The following VWCE variants were observed in gnomAD, a reference collection of about 807,000 sequenced individuals.
The protein encoded by VWCE is von Willebrand factor C and EGF domains.
Under a neutral mutation model 102.9 loss-of-function variants are expected in VWCE, and 68 were observed. The ratio of observed to expected loss-of-function variants is 0.66; its 90% CI spans 0.54 to 0.81. The LOEUF is 0.81. Ranked by LOEUF, VWCE falls within the 30% of genes least tolerant of loss-of-function variation. The pLI, the probability that VWCE is intolerant of heterozygous loss-of-function variation, is 0.00. For synonymous variants in VWCE, 497 were observed against 515.4 expected (o/e 0.96, Z 0.48); for missense variants, 1,137 against 1,263.6 (o/e 0.90, Z 1.52).
chr11:61,281,033 A>T lies in VWCE; in HGVS notation c.990T>A (p.Pro330=). The change falls in exon 8 of 20, where the codon CCT becomes CCA. Residue 330 remains proline, a synonymous_variant. Coordinates refer to ENST00000335613, the MANE Select transcript of VWCE (RefSeq NM_152718.2). ...SPTPRLPTSS[P]SAPVWLLSTL... ...TGGACAGCAGCCACACAGGGGCAGA[A>T]GGGGAGGATGTGGGTAGTCGTGGGG... is the stretch of plus-strand genomic sequence containing the variant. 3.8e-6 allele frequency: 6 copies of T among 1,579,724 alleles called. No homozygotes were observed. Among genetic ancestry groups the T allele is most frequent in the Non-Finnish European group, 5.2e-6 (6 of 1,162,602 alleles).
At chr11:61,265,715 C>T (rs1285450438) in intron 16 of VWCE, among the ~76,000 whole-genome samples, 1 of 152,224 alleles carries the variant, frequency 6.6e-6, no homozygotes, top group Non-Finnish European at 1.5e-5. Flanking sequence ...AGCAAAGCAG[C>T]GTCATCCCGC....
chr11:61,281,850 C>T lies in VWCE; in HGVS notation c.723G>A (p.Val241=), dbSNP rs1024933247. ...RVCHHSCHNT[V]GSFLCTCRPG... is the part of the protein sequence containing the mutation. ...GTCGGCATGTGCATAGGAAGCTGCC[C>T]ACGGTGTTGTGGCAGGAATGGTGAC... is the stretch of plus-strand genomic sequence containing the variant. Residue 241 remains valine, a synonymous_variant, in exon 7 of 20, where the codon GTG becomes GTA. Coordinates refer to ENST00000335613, the MANE Select transcript of VWCE (RefSeq NM_152718.2). The T allele has an allele frequency of 4.3e-6, 7 of 1,613,836 alleles. No homozygotes were observed. In the African/African-American group the frequency reaches 8.0e-5, roughly 18 times the overall value.
rs569907575 is a variant in VWCE, at chr11:61,258,972, T to A, written c.2571A>T (p.Leu857=). Reference sequence around the variant, plus strand: ...GAGGAGCCCCTGGGGAAGCTAGAGGTAGAGTGGGGGCTCCTGGAGGGGTCG... The same window carrying A: ...GAGGAGCCCCTGGGGAAGCTAGAGGAAGAGTGGGGGCTCCTGGAGGGGTCG... ...GPSTPPGAPT[L]PLASPGAPQP... Residue 857 remains leucine (L), a synonymous_variant, in exon 20 of 20, where the codon CTA becomes CTT. Transcript: ENST00000335613. The A allele has an allele frequency of 6.3e-7, 1 of 1,592,770 alleles. No individual in the cohort carries two copies. The highest frequency in any genetic ancestry group is 1.4e-5 in the African/African-American group (1 of 73,764).
Position 61,266,877 on chromosome 11 carries a change from C to T in VWCE, c.1965+585G>A, listed in dbSNP as rs143440805. On this transcript the variant is annotated intron_variant, in intron 16 of 19. Transcript: ENST00000335613. ...TCCAGTACTGGATTCTGGGTTTGTG[C>T]GTTTCACCTCCACCCTCATCAAGAA... 6.7e-3 allele frequency among the ~76,000 whole-genome samples: 1,015 copies of T among 152,310 alleles called. 4 individuals are homozygous for T. Among genetic ancestry groups the T allele is most frequent in the Non-Finnish European group, 9.5e-3 (643 of 68,024 alleles).
At chr11:61,270,825 CTTTTTTTTT>C (rs1243630767) in intron 14 of VWCE, among the ~76,000 whole-genome samples, 1 of 134,252 alleles carries the variant, frequency 7.4e-6, no homozygotes, top group Non-Finnish European at 1.6e-5. Context: ...GTTACACACA[CTTTTTTTTT>C]TTTTTTTTTT....
At chr11:61,282,294 G>A (rs1855168955) in intron 6 of VWCE, among the ~76,000 whole-genome samples, 1 of 152,146 alleles carries the variant, frequency 6.6e-6, no homozygotes, top group Non-Finnish European at 1.5e-5. Flanking sequence ...GGAAGGCTTC[G>A]GGACAAATAC....
intron 10 of VWCE, 71 bp downstream of exon 10, chr11:61,278,320 CTTT>C (rs1854994352): frequency 2.0e-6 from 3 of 1,521,040 alleles, no homozygotes; most frequent in Admixed American, 3.5e-5. Context: ...AACATCCGGT[CTTT>C]TCCCCTTCCT....
intron 14 of VWCE, 46 bp downstream of exon 14, chr11:61,271,629 G>A (rs368560601): frequency 4.8e-5 from 74 of 1,556,842 alleles, no homozygotes; most frequent in Middle Eastern, 2.0e-4. Flanking sequence ...TGGGTGAGGC[G>A]GGGCAGCCAG....
intron 1 of VWCE, among the ~76,000 whole-genome samples, chr11:61,292,175 T>C (rs547382434): frequency 1.1e-4 from 17 of 151,958 alleles, no homozygotes; most frequent in Admixed American, 2.0e-4. Context: ...GCGAGCCAAG[T>C]TGGCGCCACT....
intron 6 of VWCE, 110 bp downstream of exon 6, chr11:61,282,679 C>G: frequency 1.1e-6 from 1 of 871,290 alleles, no homozygotes; most frequent in African/African-American, 1.7e-5. Context: ...CCTTCAAGCT[C>G]CAGAGGACCA....
chr11:61,274,227 G>A (rs1453123113), intron 12 of VWCE, among the ~76,000 whole-genome samples: 1 of 152,146 alleles, frequency 6.6e-6, no homozygotes, highest in Non-Finnish European at 1.5e-5. Flanking sequence ...CACCTAGGCA[G>A]TGGGCTTCCG....
Position 61,280,907 on chromosome 11 carries a change from C to T in VWCE, c.1116G>A (p.Arg372=). Residue 372 remains arginine, a synonymous_variant, in exon 8 of 20, where the codon AGG becomes AGA. Transcript: ENST00000335613. ...GEVMGTPSSP[R]GPESPRLAAG... is the part of the protein sequence containing the mutation. ...CTGCCAGTCGGGGGGACTCAGGGCCCCTGGGTGAGGAAGGGGTCCCCATCA... is the reference window on the plus strand; with the variant it reads ...CTGCCAGTCGGGGGGACTCAGGGCCTCTGGGTGAGGAAGGGGTCCCCATCA... 2 of 1,528,634 alleles carry T rather than the reference C, an allele frequency of 1.3e-6. No homozygotes were observed. The highest frequency in any genetic ancestry group is 1.8e-6 in the Non-Finnish European group (2 of 1,140,608). 94.7% of individuals were successfully genotyped at this position (1,528,634 alleles called of 1,614,324 possible).
At chr11:61,279,448 G>A (rs1478822703) in intron 9 of VWCE, among the ~76,000 whole-genome samples, 1 of 151,904 alleles carries the variant, frequency 6.6e-6, no homozygotes, top group African/African-American at 2.4e-5. Context: ...GGTGGTGGGT[G>A]GCTATAATCC....
chr11:61,266,525 G>A (rs1430275999), intron 16 of VWCE, among the ~76,000 whole-genome samples: 2 of 151,804 alleles, frequency 1.3e-5, no homozygotes, highest in Admixed American at 6.6e-5. Flanking sequence ...TTCAACCTGG[G>A]TGACAGAGCA....
intron 4 of VWCE, among the ~76,000 whole-genome samples, chr11:61,287,559 C>T (rs757014208): frequency 1.3e-5 from 2 of 152,144 alleles, no homozygotes; most frequent in East Asian, 1.9e-4. Flanking sequence ...TAAGACACAG[C>T]GCTGACTCCA....
rs535318405 is a variant in VWCE at position 61,262,431 on chromosome 11, C to G, written c.2230+2056G>C. Among the ~76,000 whole-genome samples the G allele has an allele frequency of 7.1e-4, 108 of 152,294 alleles. 1 individual carries two copies. The highest frequency in any genetic ancestry group is 2.4e-3 in the African/African-American group (98 of 41,556). On this transcript the variant is annotated intron_variant, in intron 19 of 19. Transcript: ENST00000335613. ...CAAAATGGAGATAACATAGCAGCCA[C>G]GCTGGAACACTCCATGAACATTTAA...
chr11:61,268,847 G>T, intron 15 of VWCE, 75 bp downstream of exon 15: 1 of 1,447,632 alleles, frequency 6.9e-7, no homozygotes. Flanking sequence ...ATGAGATGAA[G>T]GCTGTATAGG....
Position 61,294,988 on chromosome 11 carries a change from G to A in VWCE, c.50C>T (p.Pro17Leu), listed in dbSNP as rs1468447577. 2 of 1,473,672 alleles carry A rather than the reference G, an allele frequency of 1.4e-6. No homozygotes were observed. Among genetic ancestry groups the A allele is most frequent in the Non-Finnish European group, 1.8e-6 (2 of 1,113,816 alleles). The allele number at this position is 1,473,672 out of a possible 1,614,324, so 91.3% of individuals were successfully genotyped here. ...LRAACVALLL[P>L]GAPARGYTGR... is the part of the protein sequence containing the mutation. ...GGTGTAGCCTCGGGCTGGTGCCCCC[G>A]GCAGCAGGAGCGCGACACAGGCGGC... The change falls in exon 1 of 20, where the codon CCG becomes CTG. Residue 17 changes from proline (P) to leucine (L), a missense_variant. Coordinates refer to ENST00000335613, the MANE Select transcript of VWCE (RefSeq NM_152718.2). This position sits in a 1 kb window ranked among gnomAD's most constrained non-coding sequence, Gnocchi z 6.3.
chr11:61,269,283 A>G (rs1403304777), intron 14 of VWCE: 1 of 476,834 alleles, frequency 2.1e-6, no homozygotes, highest in East Asian at 3.7e-5. Flanking sequence ...TGTAGCAGCC[A>G]AAGCCTGCAC....
Sources: gnomAD v4.1 joint callset for allele counts (sites outside exome capture counted in the v4.1 genomes callset) on GRCh38, gnomAD v4.1.1 for gene constraint, Gnocchi (gnomAD v3.1) non-coding constraint, MANE v1.5 for transcripts, NCBI Gene and HGNC (gene_info 2026-07-23, HGNC 2026-07-21) for gene names.